The following LARGE1 variants were observed in gnomAD, a reference collection of about 807,000 sequenced individuals.
LARGE1 encodes LARGE xylosyl- and glucuronyltransferase 1.
Under a neutral mutation model 87.6 loss-of-function variants are expected in LARGE1, and 43 were observed. The observed-to-expected ratio is 0.49, with a 90% CI of 0.38 to 0.63. The LOEUF is 0.63. Ranked by LOEUF, LARGE1 falls within the 30% of genes least tolerant of loss-of-function variation. The pLI, the probability that LARGE1 is intolerant of heterozygous loss-of-function variation, is 0.00. For synonymous variants in LARGE1, 434 were observed against 394.6 expected (o/e 1.10, Z -1.18); for missense variants, 802 against 1,000.2 (o/e 0.80, Z 2.67).
At chr22:33,234,780 A>T (rs1926172036) in intron 11 of LARGE1, among the ~76,000 whole-genome samples, 1 of 152,124 alleles carries the variant, frequency 6.6e-6, no homozygotes, top group South Asian at 2.1e-4. Flanking sequence ...ACCTCATGTG[A>T]TCTGCCTGCC....
intron 1 of LARGE1, among the ~76,000 whole-genome samples, chr22:33,842,398 T>A (rs2063306360): frequency 6.7e-6 from 1 of 148,254 alleles, no homozygotes. Context: ...AGAGGGGAAA[T>A]AACATATTTC....
chr22:33,807,132 G>C (rs763364366), intron 1 of LARGE1, among the ~76,000 whole-genome samples: 12 of 152,200 alleles, frequency 7.9e-5, no homozygotes, highest in Non-Finnish European at 1.3e-4. Flanking sequence ...TAGAGACAGT[G>C]TGTCTGTATG....
chr22:33,707,716 G>A (rs887519901), intron 2 of LARGE1, among the ~76,000 whole-genome samples: 1 of 152,242 alleles, frequency 6.6e-6, no homozygotes, highest in Non-Finnish European at 1.5e-5. Flanking sequence ...AGCAAAAGAA[G>A]AGGATTTTGT....
At chr22:33,857,681 C>T (rs996805969) in intron 1 of LARGE1, among the ~76,000 whole-genome samples, 1 of 152,152 alleles carries the variant, frequency 6.6e-6, no homozygotes, top group Non-Finnish European at 1.5e-5. Context: ...TACTGCACAC[C>T]CAGGGCAGTT....
intron 5 of LARGE1, among the ~76,000 whole-genome samples, chr22:33,592,465 T>A (rs2078868346): frequency 6.6e-6 from 1 of 152,150 alleles, no homozygotes; most frequent in South Asian, 2.1e-4. Context: ...TTTTCCAGGA[T>A]AATCAAAGTA....
intron 2 of LARGE1, among the ~76,000 whole-genome samples, chr22:33,697,205 C>T (rs976392592): frequency 3.3e-5 from 5 of 152,148 alleles, no homozygotes; most frequent in African/African-American, 1.2e-4. Context: ...CGTTAGAGCT[C>T]TGAGTCCAGT....
chr22:33,706,288 C>G (rs953145588), intron 2 of LARGE1, among the ~76,000 whole-genome samples: 1 of 152,198 alleles, frequency 6.6e-6, no homozygotes, highest in East Asian at 1.9e-4. Context: ...GCCCACACCC[C>G]CACACAAGCC....
At chr22:33,716,551 C>A (rs2036996912) in intron 2 of LARGE1, among the ~76,000 whole-genome samples, 1 of 152,150 alleles carries the variant, frequency 6.6e-6, no homozygotes, top group Admixed American at 6.5e-5. Context: ...CAAGTACCAC[C>A]ACACCCAGCT....
chr22:33,896,092 C>A (rs1036284416), intron 1 of LARGE1, among the ~76,000 whole-genome samples: 5 of 152,214 alleles, frequency 3.3e-5, no homozygotes, highest in African/African-American at 1.2e-4. Flanking sequence ...ACTCCCAATT[C>A]TCTCCTTCCC....
At chr22:33,146,720 GA>G in the LARGE1 span, among the ~76,000 whole-genome samples, 5 of 151,350 alleles carry the variant, frequency 3.3e-5, no homozygotes, top group Non-Finnish European at 5.9e-5. Flanking sequence ...AGACTTTGGG[GA>G]AAAAAAATCT....
the LARGE1 span, among the ~76,000 whole-genome samples, chr22:33,102,401 G>C: frequency 6.6e-6 from 1 of 151,962 alleles, no homozygotes; most frequent in African/African-American, 2.4e-5. Context: ...TTGATCTCTT[G>C]ACCTTGTGAC....
At chr22:33,563,179 G>A (rs2077913314) in intron 6 of LARGE1, 1 of 152,220 alleles carries the variant, frequency 6.6e-6, no homozygotes, top group African/African-American at 2.4e-5. Context: ...CCCGCTGCAG[G>A]GACTGCTCCC....
chr22:33,280,512 C>T (rs576844925), intron 13 of LARGE1, among the ~76,000 whole-genome samples: 22 of 152,158 alleles, frequency 1.4e-4, no homozygotes, highest in Non-Finnish European at 2.5e-4. Context: ...ATGGGGGAGA[C>T]GGCGCCATTG....
chr22:33,779,346 C>T (rs1006338752), intron 1 of LARGE1, among the ~76,000 whole-genome samples: 1 of 152,158 alleles, frequency 6.6e-6, no homozygotes, highest in African/African-American at 2.4e-5. Flanking sequence ...CAGACAACCA[C>T]AGCTCAGGGT....
At chr22:33,263,109 G>A (rs1055699042) in intron 11 of LARGE1, among the ~76,000 whole-genome samples, 1 of 152,036 alleles carries the variant, frequency 6.6e-6, no homozygotes, top group Non-Finnish European at 1.5e-5. Context: ...GGCCAGGCTG[G>A]TCTCGAAAAC....
chr22:33,223,935 T>C (rs1475128568), intron 11 of LARGE1, among the ~76,000 whole-genome samples: 1 of 152,106 alleles, frequency 6.6e-6, no homozygotes, highest in Non-Finnish European at 1.5e-5. Flanking sequence ...GTCGGCATCC[T>C]CGTATGCTCA....
intron 6 of LARGE1, among the ~76,000 whole-genome samples, chr22:33,543,934 T>C (rs2077282386): frequency 1.3e-5 from 2 of 152,232 alleles, no homozygotes; most frequent in Non-Finnish European, 1.5e-5. Flanking sequence ...GTGTCTAAAC[T>C]GTGCAAACAA....
intron 10 of LARGE1, among the ~76,000 whole-genome samples, chr22:33,337,215 C>T (rs931447902): frequency 1.3e-5 from 2 of 152,164 alleles, no homozygotes; most frequent in East Asian, 3.9e-4. Context: ...TTCACCCATG[C>T]TCACCCTAAA....
chr22:33,780,185 G>A (rs1052182465), intron 1 of LARGE1, among the ~76,000 whole-genome samples: 3 of 152,322 alleles, frequency 2.0e-5, no homozygotes, highest in Admixed American at 6.5e-5. Context: ...GGTTGTAATG[G>A]ATTAAGGACC....
Sources: allele counts gnomAD v4.1 joint callset (sites outside exome capture counted in the v4.1 genomes callset), GRCh38; gene constraint gnomAD v4.1.1; transcripts MANE v1.5; gene names NCBI Gene and HGNC (gene_info 2026-07-23, HGNC 2026-07-21).